Variants in RFFL observed in about 807,000 individuals in gnomAD.
The protein encoded by RFFL is ring finger and FYVE like domain containing E3 ubiquitin protein ligase.
In RFFL, 16 loss-of-function variants were observed where a neutral mutation model predicts 40.4. The ratio of observed to expected loss-of-function variants is 0.40; its 90% CI spans 0.27 to 0.60. The LOEUF (loss-of-function observed/expected upper bound fraction) is 0.60, where lower values mean the gene tolerates loss of function less well. Ranked by LOEUF, RFFL falls within the 20% of genes least tolerant of loss-of-function variation. The pLI is 0.47. For missense variants in RFFL, 367 were observed against 451.7 expected, an observed-to-expected ratio of 0.81 and a Z score of 1.70; for synonymous variants, 154 against 167.9, an observed-to-expected ratio of 0.92 and a Z score of 0.64.
intron 1 of RFFL, among the ~76,000 whole-genome samples, chr17:35,048,426 A>T (rs866002721): frequency 5.3e-5 from 8 of 151,986 alleles, no homozygotes; most frequent in African/African-American, 1.7e-4. Flanking sequence ...TTAATTAATT[A>T]AAAAAATAAA....
upstream of RFFL, among the ~76,000 whole-genome samples, chr17:35,065,412 C>G (rs2091315335): frequency 6.6e-6 from 1 of 151,994 alleles, no homozygotes; most frequent in Admixed American, 6.6e-5. Flanking sequence ...CAAAATTAGC[C>G]AGGTGTGGTG....
intron 1 of RFFL, among the ~76,000 whole-genome samples, chr17:35,053,079 G>A (rs2091240964): frequency 1.3e-5 from 2 of 152,216 alleles, no homozygotes; most frequent in Admixed American, 1.3e-4. Context: ...GAGCCAGACT[G>A]AGTATTCAGA....
In RFFL at chr17:35,021,728, T is replaced by C. The variant is rs763500453; in HGVS notation, c.234A>G (p.Val78=). The change falls in exon 3 of 7, where the codon GTA becomes GTG. Residue 78 remains valine (V), a synonymous_variant. Coordinates refer to ENST00000394597, the MANE Select transcript of RFFL (RefSeq NM_001017368.2). ...GAAGGCAGAGGCGGGGCCCATTCCC[T>C]ACTTGGCTCGAACAGGTCATGCAAA... ...KNFCMTCSSQ[V]GNGPRLCLLC... 6.2e-7 allele frequency: 1 copy of C among 1,614,236 alleles called. No individual in the cohort carries two copies. Among genetic ancestry groups the C allele is most frequent in the Non-Finnish European group, 8.5e-7 (1 of 1,180,048 alleles).
intron 1 of RFFL, among the ~76,000 whole-genome samples, chr17:35,040,637 C>A (rs959800976): frequency 6.6e-6 from 1 of 150,996 alleles, no homozygotes; most frequent in African/African-American, 2.4e-5. Context: ...ATAAAAAATA[C>A]TTTTCTTAAA....
chr17:35,046,913 C>T, intron 1 of RFFL, among the ~76,000 whole-genome samples: 1 of 152,202 alleles, frequency 6.6e-6, no homozygotes. Context: ...AGGCATTCTG[C>T]CCCAAAGGGT....
chr17:35,085,888 C>T (rs1288377731), intron 1 of RFFL, among the ~76,000 whole-genome samples: 1 of 152,182 alleles, frequency 6.6e-6, no homozygotes, highest in African/African-American at 2.4e-5. Context: ...AACTTCATGA[C>T]AGTCTTAACG....
chr17:35,031,706 ATCATGATGTGGGAGTAAC>A, intron 1 of RFFL, among the ~76,000 whole-genome samples: 1 of 151,982 alleles, frequency 6.6e-6, no homozygotes, highest in Non-Finnish European at 1.5e-5. Context: ...CGCACATCCT[ATCATGATGTGGGAGTAAC>A]TGGGACTTTA....
At chr17:35,050,257 T>TA (rs2091224423) in intron 1 of RFFL, among the ~76,000 whole-genome samples, 1 of 150,784 alleles carries the variant, frequency 6.6e-6, no homozygotes, top group Non-Finnish European at 1.5e-5. Context: ...AAATAAAAAT[T>TA]AAAAAATAGA....
chr17:35,052,923 C>G (rs758819232), intron 1 of RFFL, among the ~76,000 whole-genome samples: 8 of 152,086 alleles, frequency 5.3e-5, no homozygotes, highest in East Asian at 3.9e-4. Context: ...GACTAGGGAG[C>G]CTTCATGGGA....
chr17:35,026,892 T>C (rs933226121), intron 1 of RFFL, among the ~76,000 whole-genome samples: 2 of 152,014 alleles, frequency 1.3e-5, no homozygotes, highest in African/African-American at 4.8e-5. Context: ...TTAGTAGAGA[T>C]GGGATTTCAC....
At chr17:35,081,628 AAGAG>A (rs1013863015) in intron 1 of RFFL, among the ~76,000 whole-genome samples, 10 of 152,178 alleles carry the variant, frequency 6.6e-5, no homozygotes, top group African/African-American at 2.4e-4. Context: ...TAATTATATA[AAGAG>A]AGAGAGACTA....
chr17:35,059,812 C>T (rs1046929217), intron 1 of RFFL, among the ~76,000 whole-genome samples: 2 of 152,138 alleles, frequency 1.3e-5, no homozygotes, highest in South Asian at 4.1e-4. Flanking sequence ...TTTCTCTAGG[C>T]TAAAATCTTT....
At chr17:35,027,724 C>CAAAAAAAAA (rs34594614) in intron 1 of RFFL, among the ~76,000 whole-genome samples, 1 of 90,318 alleles carries the variant, frequency 1.1e-5, no homozygotes. Context: ...AACTCCGTCT[C>CAAAAAAAAA]AAAAAAAAAA....
chr17:35,061,626 C>CTT (rs71364702), intron 1 of RFFL, among the ~76,000 whole-genome samples: 4 of 137,432 alleles, frequency 2.9e-5, no homozygotes, highest in East Asian at 4.2e-4. Context: ...CGTGGCGTGC[C>CTT]TTTTTTTTTT....
At chr17:35,072,249 C>A (rs1174626406) in intron 1 of RFFL, among the ~76,000 whole-genome samples, 1 of 150,794 alleles carries the variant, frequency 6.6e-6, no homozygotes, top group Non-Finnish European at 1.5e-5. Flanking sequence ...CCACTGCACT[C>A]CAGCCTGGGC....
intron 1 of RFFL, among the ~76,000 whole-genome samples, chr17:35,036,065 C>G (rs996129435): frequency 2.0e-5 from 3 of 152,180 alleles, no homozygotes; most frequent in Non-Finnish European, 4.4e-5. Context: ...TAGAAGTACT[C>G]TCCTGCCAAA....
Position 35,011,924 on chromosome 17 carries a change from C to T in RFFL, c.*44G>A. On this transcript the variant is annotated 3_prime_UTR_variant, in exon 7 of 7. Transcript: ENST00000394597. ...TGGCCAACCCTGAGCCCAGACACCCCAGGCTATTTCCCTGTAAGGCACTGA... is the reference window on the plus strand; with the variant it reads ...TGGCCAACCCTGAGCCCAGACACCCTAGGCTATTTCCCTGTAAGGCACTGA... 1 of 1,589,524 alleles carries T rather than the reference C, an allele frequency of 6.3e-7. No individual in the cohort carries two copies. Among genetic ancestry groups the T allele is most frequent in the South Asian group, 1.1e-5 (1 of 88,536 alleles).
intron 1 of RFFL, among the ~76,000 whole-genome samples, chr17:35,041,129 A>T (rs1302213807): frequency 1.3e-5 from 2 of 152,054 alleles, no homozygotes; most frequent in African/African-American, 2.4e-5. Context: ...CCCTAACTAG[A>T]ATAGAAACCC....
intron 1 of RFFL, among the ~76,000 whole-genome samples, chr17:35,046,823 G>A (rs189554215): frequency 2.0e-5 from 3 of 152,298 alleles, no homozygotes; most frequent in African/African-American, 7.2e-5. Flanking sequence ...CCAATTAAAT[G>A]GCTGCTTCTT....
Sources: gnomAD v4.1 joint callset for allele counts (sites outside exome capture counted in the v4.1 genomes callset) on GRCh38, gnomAD v4.1.1 for gene constraint, MANE v1.5 for transcripts, NCBI Gene and HGNC (gene_info 2026-07-23, HGNC 2026-07-21) for gene names.